Variants in ZFHX3 observed in about 807,000 individuals in gnomAD.
ZFHX3 encodes the protein zinc finger homeobox protein 3.
A neutral mutation model predicts 279.1 loss-of-function variants in ZFHX3; 42 were observed. The observed-to-expected ratio is 0.15, with a 90% CI of 0.12 to 0.19. ZFHX3 has a LOEUF of 0.19. Ranked by LOEUF, ZFHX3 falls within the 10% of genes least tolerant of loss-of-function variation. The pLI is 1.00. For synonymous variants in ZFHX3, 2,293 were observed against 1,957.8 expected, an observed-to-expected ratio of 1.17 and a Z score of -4.52; for missense variants, 4,981 against 4,754.0, an observed-to-expected ratio of 1.05 and a Z score of -1.40.
intron 1 of ZFHX3, among the ~76,000 whole-genome samples, chr16:73,780,509 C>G (rs1959432144): frequency 6.6e-6 from 1 of 151,378 alleles, no homozygotes; most frequent in South Asian, 2.1e-4. Flanking sequence ...GTGGCATGAT[C>G]ACGGCTCACT....
At chr16:73,010,740 G>A (rs550223686) in intron 1 of ZFHX3, among the ~76,000 whole-genome samples, 1 of 152,280 alleles carries the variant, frequency 6.6e-6, no homozygotes, top group South Asian at 2.1e-4. Flanking sequence ...GGGCACACGA[G>A]TTCTACTCCA....
chr16:73,579,043 A>G (rs2051829740), intron 2 of ZFHX3, among the ~76,000 whole-genome samples: 1 of 152,194 alleles, frequency 6.6e-6, no homozygotes, highest in Non-Finnish European at 1.5e-5. Context: ...TATGTCTGAT[A>G]AGAAACATTT....
chr16:73,458,481 AT>A (rs1260838507), intron 2 of ZFHX3, among the ~76,000 whole-genome samples: 11 of 151,608 alleles, frequency 7.3e-5, no homozygotes, highest in African/African-American at 2.7e-4. Flanking sequence ...GTTCAAGCAA[AT>A]CTCATGCCTC....
At chr16:73,016,294 C>A (rs938800637) in intron 1 of ZFHX3, among the ~76,000 whole-genome samples, 1 of 152,054 alleles carries the variant, frequency 6.6e-6, no homozygotes. Context: ...TTTTTAAGGT[C>A]GGAGTAACTA....
chr16:73,287,830 G>T (rs1300954276), intron 4 of ZFHX3, among the ~76,000 whole-genome samples: 2 of 149,408 alleles, frequency 1.3e-5, no homozygotes, highest in Non-Finnish European at 1.5e-5. Flanking sequence ...GTGTATGGCT[G>T]TGTGGGTTGG....
At chr16:72,929,343 C>A (rs1281605722) in intron 3 of ZFHX3, among the ~76,000 whole-genome samples, 1 of 151,984 alleles carries the variant, frequency 6.6e-6, no homozygotes, top group Non-Finnish European at 1.5e-5. Flanking sequence ...ATTAACTGAC[C>A]CTTGCTTGGG....
chr16:73,644,100 TTC>T (rs920886427), intron 2 of ZFHX3, among the ~76,000 whole-genome samples: 8 of 152,074 alleles, frequency 5.3e-5, no homozygotes, highest in African/African-American at 1.9e-4. Flanking sequence ...ACATGTCTAT[TTC>T]TCTTTTTCTG....
rs112687499 is a variant in ZFHX3, at chr16:73,685,165, C to T, written c.-1607-4925G>A. Among the ~76,000 whole-genome samples, 103 of 151,676 alleles carry T rather than the reference C, an allele frequency of 6.8e-4. 1 individual carries two copies. The highest frequency in any genetic ancestry group is 1.1e-3 in the Non-Finnish European group (72 of 67,968). The stretch of plus-strand genomic sequence containing the variant: ...GAGTAGCTGGGACTACAGTTGCATG[C>T]CACCACGCCCCTGGCTAATTTTCTT... On this transcript the variant is annotated intron_variant, in intron 1 of 17. Coordinates refer to the ZFHX3 transcript ENST00000641206.
At chr16:73,441,858 T>C (rs2018099683) in intron 3 of ZFHX3, among the ~76,000 whole-genome samples, 1 of 152,218 alleles carries the variant, frequency 6.6e-6, no homozygotes. Context: ...GCAAAACTAC[T>C]TTGTAAACTG....
At chr16:73,535,954 C>T (rs2019894421) in intron 2 of ZFHX3, among the ~76,000 whole-genome samples, 1 of 152,004 alleles carries the variant, frequency 6.6e-6, no homozygotes, top group African/African-American at 2.4e-5. Context: ...TATCTCCTGA[C>T]CTCAGGATCC....
At chr16:73,632,973 G>A (rs2052491380) in intron 2 of ZFHX3, among the ~76,000 whole-genome samples, 1 of 152,140 alleles carries the variant, frequency 6.6e-6, no homozygotes, top group Non-Finnish European at 1.5e-5. Context: ...CAGCTACTCG[G>A]GAGGCTGAGG....
chr16:73,415,604 A>C (rs2017555489), intron 3 of ZFHX3, among the ~76,000 whole-genome samples: 1 of 152,294 alleles, frequency 6.6e-6, no homozygotes, highest in Admixed American at 6.5e-5. Context: ...CTCCGTGTGG[A>C]AAGTATTATT....
At chr16:72,962,494 TGAG>T (rs1961627205) in intron 1 of ZFHX3, among the ~76,000 whole-genome samples, 1 of 152,206 alleles carries the variant, frequency 6.6e-6, no homozygotes, top group African/African-American at 2.4e-5. Flanking sequence ...GCAGCAGCCA[TGAG>T]GACACGGGTC....
At chr16:73,503,030 T>C (rs1221197335) in intron 2 of ZFHX3, among the ~76,000 whole-genome samples, 2 of 152,240 alleles carry the variant, frequency 1.3e-5, no homozygotes, top group African/African-American at 4.8e-5. Flanking sequence ...TCCCATTATG[T>C]TGTGCTCACT....
At chr16:73,708,820 T>G (rs1227428401) in intron 1 of ZFHX3, among the ~76,000 whole-genome samples, 1 of 152,064 alleles carries the variant, frequency 6.6e-6, no homozygotes, top group Non-Finnish European at 1.5e-5. Context: ...GTAGGTAACT[T>G]AGGGGAGAGG....
intron 2 of ZFHX3, among the ~76,000 whole-genome samples, chr16:72,951,264 CT>C (rs549453988): frequency 2.6e-4 from 39 of 147,536 alleles, no homozygotes; most frequent in South Asian, 1.1e-3. Context: ...ATTTCCTTTT[CT>C]TTTTTTTTTT....
intron 8 of ZFHX3, among the ~76,000 whole-genome samples, chr16:73,085,655 A>G (rs1176169855): frequency 6.6e-6 from 1 of 152,210 alleles, no homozygotes; most frequent in Non-Finnish European, 1.5e-5. Flanking sequence ...CTAGACCCCT[A>G]TCTTTCACCA....
At chr16:72,982,430 C>A (rs1476027272) in intron 1 of ZFHX3, among the ~76,000 whole-genome samples, 1 of 152,094 alleles carries the variant, frequency 6.6e-6, no homozygotes, top group Non-Finnish European at 1.5e-5. Context: ...AGAGAATCAC[C>A]AACTCACAGA....
rs1471172551 is a variant in ZFHX3 at position 72,878,757 on chromosome 16, CAGCCCTG to C, written c.3448+10967_3448+10973del. On this transcript the variant is annotated intron_variant, in intron 4 of 9. Transcript: ENST00000268489. ...GAGGCCAGACGCAGTGGGAAGAGCA[CAGCCCTG>C]GGCCCTGGGCCTCTGTACCAAGTCC... 8.5e-5 allele frequency among the ~76,000 whole-genome samples: 13 copies of C among 152,278 alleles called. No individual in the cohort carries two copies. The East Asian group carries it at 2.5e-3, about 29-fold the overall frequency.
Sources: gnomAD v4.1 joint callset for allele counts (sites outside exome capture counted in the v4.1 genomes callset) on GRCh38, gnomAD v4.1.1 for gene constraint, MANE v1.5 for transcripts, NCBI Gene and HGNC (gene_info 2026-07-23, HGNC 2026-07-21) for gene names.